The following ITGBL1 variants were observed in gnomAD, a reference collection of about 807,000 sequenced individuals.
ITGBL1 encodes integrin subunit beta like 1, also known as integrin beta-like protein 1.
ITGBL1 carries 51 observed loss-of-function variants against 68.5 expected under a neutral mutation model. That is an observed-to-expected ratio of 0.74 (90% CI 0.59 to 0.94). The LOEUF (loss-of-function observed/expected upper bound fraction) is 0.94. Among genes scored for constraint, ITGBL1 ranks in the 40% least tolerant of loss-of-function variants. The probability of loss-of-function intolerance (pLI) is 0.00; values close to 1 mark genes in which losing one functional copy is unlikely to be tolerated. For synonymous variants in ITGBL1, 209 were observed against 227.3 expected (o/e 0.92, Z 0.72); for missense variants, 649 against 647.4 (o/e 1.00, Z -0.03).
intron 2 of ITGBL1, among the ~76,000 whole-genome samples, chr13:101,458,239 G>A (rs1018437249): frequency 3.2e-4 from 48 of 152,316 alleles, no homozygotes; most frequent in Non-Finnish European, 5.9e-4. Context: ...ATGGCTAAAA[G>A]TTCTTGAGAA....
intron 7 of ITGBL1, among the ~76,000 whole-genome samples, chr13:101,635,697 A>G (rs924068459): frequency 5.3e-5 from 8 of 152,096 alleles, no homozygotes; most frequent in Admixed American, 1.3e-4. Context: ...GTGTATTAGA[A>G]TTCACTCCAG....
chr13:101,616,511 T>A (rs1019883691), intron 7 of ITGBL1, among the ~76,000 whole-genome samples: 5 of 152,090 alleles, frequency 3.3e-5, no homozygotes, highest in African/African-American at 9.7e-5. Context: ...TTATTTTTTT[T>A]AAATGGAGTC....
At chr13:101,642,954 T>C (rs1444102260) in intron 7 of ITGBL1, among the ~76,000 whole-genome samples, 18 of 149,240 alleles carry the variant, frequency 1.2e-4, no homozygotes, top group African/African-American at 4.4e-4. Context: ...CCATGCTGTT[T>C]TGGTTACTGT....
chr13:101,577,346 C>A (rs1054169309), intron 4 of ITGBL1, among the ~76,000 whole-genome samples: 2 of 152,128 alleles, frequency 1.3e-5, no homozygotes, highest in Non-Finnish European at 2.9e-5. Context: ...TGTTTATTGT[C>A]TGGAATATGT....
chr13:101,477,242 C>A (rs2048551254), intron 2 of ITGBL1, among the ~76,000 whole-genome samples: 1 of 151,974 alleles, frequency 6.6e-6, no homozygotes, highest in Non-Finnish European at 1.5e-5. Context: ...TCCTGAATGA[C>A]CAATGGGTCA....
intron 2 of ITGBL1, among the ~76,000 whole-genome samples, chr13:101,470,339 T>A (rs182991706): frequency 1.5e-4 from 23 of 152,188 alleles, no homozygotes; most frequent in South Asian, 4.2e-4. Context: ...TAATTTATTT[T>A]TTTTTTTTGA....
At chr13:101,559,886 C>T (rs2050071515) in intron 2 of ITGBL1, among the ~76,000 whole-genome samples, 1 of 152,056 alleles carries the variant, frequency 6.6e-6, no homozygotes. Flanking sequence ...TTTTATTTTC[C>T]TTCAAGATTA....
intron 8 of ITGBL1, among the ~76,000 whole-genome samples, chr13:101,699,733 T>A (rs1388689066): frequency 1.3e-5 from 2 of 152,370 alleles, no homozygotes; most frequent in Admixed American, 6.5e-5. Flanking sequence ...TTGTTATCAA[T>A]GAATGGTCCA....
At chr13:101,712,597 C>T (rs895162301) in intron 9 of ITGBL1, 2 of 152,148 alleles carry the variant, frequency 1.3e-5, no homozygotes, top group African/African-American at 2.4e-5. Context: ...TTAGAAACAA[C>T]TAAAGACAGC....
intron 7 of ITGBL1, among the ~76,000 whole-genome samples, chr13:101,644,437 A>G (rs984655157): frequency 6.6e-6 from 1 of 152,204 alleles, no homozygotes; most frequent in African/African-American, 2.4e-5. Flanking sequence ...AGATCAAATG[A>G]TTGCGATGCC....
chr13:101,631,633 C>A (rs1252345634), intron 7 of ITGBL1, among the ~76,000 whole-genome samples: 1 of 152,118 alleles, frequency 6.6e-6, no homozygotes, highest in Admixed American at 6.5e-5. Flanking sequence ...TTTTTGCCTA[C>A]ATTTGCTAAT....
chr13:101,605,002 A>G (rs1479252278), intron 7 of ITGBL1, among the ~76,000 whole-genome samples: 1 of 131,406 alleles, frequency 7.6e-6, no homozygotes, highest in Non-Finnish European at 1.7e-5. Flanking sequence ...ATGTATATAT[A>G]CATATATGCG....
chr13:101,666,963 G>C (rs2033234169), intron 7 of ITGBL1, among the ~76,000 whole-genome samples: 3 of 152,206 alleles, frequency 2.0e-5, no homozygotes, highest in African/African-American at 7.2e-5. Flanking sequence ...AAGGAATCTT[G>C]TGCCACGTAC....
chr13:101,680,646 A>G (rs2033619777), intron 7 of ITGBL1, among the ~76,000 whole-genome samples: 1 of 152,138 alleles, frequency 6.6e-6, no homozygotes, highest in African/African-American at 2.4e-5. Context: ...TATGATAATA[A>G]TATCTAATAT....
At chr13:101,703,174 T>TAA (rs11364711) in intron 8 of ITGBL1, among the ~76,000 whole-genome samples, 13 of 145,376 alleles carry the variant, frequency 8.9e-5, no homozygotes, top group African/African-American at 3.3e-4. Context: ...CCACAGGAGG[T>TAA]AAAAAAAAAA....
intron 8 of ITGBL1, among the ~76,000 whole-genome samples, chr13:101,698,940 G>A (rs2034068954): frequency 6.6e-6 from 1 of 152,130 alleles, no homozygotes; most frequent in Non-Finnish European, 1.5e-5. Flanking sequence ...AACAAGAAGG[G>A]ATAATGAAGA....
At chr13:101,483,768 AAATCT>A (rs2048660924) in intron 2 of ITGBL1, among the ~76,000 whole-genome samples, 1 of 152,154 alleles carries the variant, frequency 6.6e-6, no homozygotes. Flanking sequence ...CATATTTTTG[AAATCT>A]AATCTGATTG....
chr13:101,596,372 T>C (rs1372784802), intron 6 of ITGBL1, among the ~76,000 whole-genome samples: 4 of 152,208 alleles, frequency 2.6e-5, no homozygotes, highest in Non-Finnish European at 5.9e-5. Flanking sequence ...ATGGTTACTA[T>C]AGTTTGTAAT....
intron 2 of ITGBL1, among the ~76,000 whole-genome samples, chr13:101,506,822 A>G (rs1348288757): frequency 6.6e-6 from 1 of 152,180 alleles, no homozygotes. Context: ...CTAATTACCC[A>G]TTGTGACATG....
Sources: gnomAD v4.1 joint callset for allele counts (sites outside exome capture counted in the v4.1 genomes callset) on GRCh38, gnomAD v4.1.1 for gene constraint, MANE v1.5 for transcripts, NCBI Gene and HGNC (gene_info 2026-07-23, HGNC 2026-07-21) for gene names.